The following MAGI2 variants were observed in gnomAD, a reference collection of about 807,000 sequenced individuals.
The protein encoded by MAGI2 is membrane associated guanylate kinase, WW and PDZ domain containing 2.
In MAGI2, 35 loss-of-function variants were observed where a neutral mutation model predicts 133.3. The ratio of observed to expected loss-of-function variants is 0.26; its 90% CI spans 0.20 to 0.35. MAGI2 has a LOEUF of 0.35. Among genes scored for constraint, MAGI2 ranks in the 10% least tolerant of loss-of-function variants. The pLI, the probability that MAGI2 is intolerant of heterozygous loss-of-function variation, is 1.00. For missense variants in MAGI2, 1,636 were observed against 1,863.4 expected (o/e 0.88, Z 2.25); for synonymous variants, 729 against 710.6 (o/e 1.03, Z -0.41).
chr7:79,364,495 A>G (rs144992096), intron 1 of MAGI2, among the ~76,000 whole-genome samples: 2 of 152,216 alleles, frequency 1.3e-5, no homozygotes, highest in African/African-American at 4.8e-5. Flanking sequence ...AAAATAAATA[A>G]TTTTAAAAAC....
chr7:78,172,645 G>A (rs1333222956), intron 14 of MAGI2, among the ~76,000 whole-genome samples: 2 of 152,208 alleles, frequency 1.3e-5, no homozygotes, highest in African/African-American at 4.8e-5. Flanking sequence ...TGAAAGCCGT[G>A]CTGTTGTGTT....
At position 78,491,254 on chromosome 7, in the gene MAGI2, G is replaced by C. The variant is rs149020970; in HGVS notation, c.966-1414C>G. ...CAAGCCAGGAAAGAGGGAGGATGGA[G>C]TCAAGATGAGTAGCAGAAAGCTATT... On this transcript the variant is annotated intron_variant, in intron 5 of 21. Coordinates refer to ENST00000354212, the MANE Select transcript of MAGI2 (RefSeq NM_012301.4). Among the ~76,000 whole-genome samples the C allele has an allele frequency of 9.9e-5, 15 of 152,212 alleles. No homozygotes were observed. The East Asian group carries it at 2.5e-3, about 26-fold the overall frequency.
rs7788573 is a variant in MAGI2 at position 79,042,731 on chromosome 7, C to T, written c.302-35525G>A. ...TTGGGATCTGAATTTGATACTTGGC[C>T]AAACAGACCTAACAGACATCCACAG... On this transcript the variant is annotated intron_variant, in intron 1 of 21. Transcript: ENST00000354212. 4.4e-3 allele frequency among the ~76,000 whole-genome samples: 676 copies of T among 152,128 alleles called. 5 individuals are homozygous for T. The highest frequency in any genetic ancestry group is 0.015 in the African/African-American group (642 of 41,492).
intron 2 of MAGI2, among the ~76,000 whole-genome samples, chr7:78,795,860 AAAGGTGCC>A (rs1787561515): frequency 6.6e-6 from 1 of 152,162 alleles, no homozygotes; most frequent in Admixed American, 6.6e-5. Flanking sequence ...CATCTTTGAC[AAAGGTGCC>A]AAGAACATAC....
chr7:79,287,684 G>A (rs1225464990), intron 1 of MAGI2, among the ~76,000 whole-genome samples: 1 of 152,096 alleles, frequency 6.6e-6, no homozygotes, highest in Non-Finnish European at 1.5e-5. Context: ...TAGCATTAAG[G>A]TGCCTAGCAC....
chr7:78,839,755 C>G (rs1328190843), intron 2 of MAGI2, among the ~76,000 whole-genome samples: 1 of 152,048 alleles, frequency 6.6e-6, no homozygotes, highest in Non-Finnish European at 1.5e-5. Flanking sequence ...GGTAGGGACA[C>G]AGAGCCAAAC....
intron 1 of MAGI2, among the ~76,000 whole-genome samples, chr7:79,385,115 G>C (rs543866334): frequency 1.3e-5 from 2 of 151,816 alleles, no homozygotes; most frequent in South Asian, 4.2e-4. Flanking sequence ...TAAAAGATCT[G>C]AGCATACTGA....
intron 9 of MAGI2, among the ~76,000 whole-genome samples, chr7:78,297,815 T>A (rs1211514388): frequency 1.7e-5 from 2 of 116,268 alleles, no homozygotes; most frequent in South Asian, 3.1e-4. Flanking sequence ...AATATCACAC[T>A]CTGGGGACTG....
At chr7:78,059,314 C>A (rs1414269487) in intron 21 of MAGI2, among the ~76,000 whole-genome samples, 1 of 152,142 alleles carries the variant, frequency 6.6e-6, no homozygotes, top group African/African-American at 2.4e-5. Flanking sequence ...AAAACCCTTT[C>A]CAGAAATGTT....
At chr7:78,519,673 C>A (rs1365060415) in intron 4 of MAGI2, among the ~76,000 whole-genome samples, 2 of 152,076 alleles carry the variant, frequency 1.3e-5, no homozygotes, top group Admixed American at 6.5e-5. Flanking sequence ...ATTCAGTAAG[C>A]CCCATAATTA....
At chr7:78,614,744 A>T (rs541837194) in intron 3 of MAGI2, 1 of 152,298 alleles carries the variant, frequency 6.6e-6, no homozygotes, top group African/African-American at 2.4e-5. Flanking sequence ...AATAGAAGGT[A>T]GTTAAAATAT....
chr7:78,530,852 T>G (rs181557371), intron 3 of MAGI2, among the ~76,000 whole-genome samples: 75 of 152,338 alleles, frequency 4.9e-4, no homozygotes, highest in Middle Eastern at 3.4e-3. Flanking sequence ...TAAAATAGGC[T>G]TCATAGGCTC....
At chr7:78,189,623 AG>A (rs1190823797) in intron 12 of MAGI2, among the ~76,000 whole-genome samples, 1 of 152,200 alleles carries the variant, frequency 6.6e-6, no homozygotes, top group African/African-American at 2.4e-5. Flanking sequence ...AAGAGAAAAA[AG>A]TTTGAACAAC....
intron 1 of MAGI2, among the ~76,000 whole-genome samples, chr7:79,048,027 A>C (rs1035057905): frequency 1.3e-5 from 2 of 152,186 alleles, no homozygotes; most frequent in Non-Finnish European, 2.9e-5. Context: ...TGAAGGTGAA[A>C]CACTGTCAAA....
In MAGI2 at chr7:78,021,809, T is replaced by C. The variant is rs145777660; in HGVS notation, c.3707-1833A>G. Reference sequence around the variant, plus strand: ...GATTTTGGACCAACAACTAAATCTCTCTGAGCCTCAATTTCTTCCTTTATA... The same window carrying C: ...GATTTTGGACCAACAACTAAATCTCCCTGAGCCTCAATTTCTTCCTTTATA... On this transcript the variant is annotated intron_variant, in intron 21 of 21. Coordinates refer to ENST00000354212, the MANE Select transcript of MAGI2 (RefSeq NM_012301.4). Among the ~76,000 whole-genome samples the C allele has an allele frequency of 2.3e-3, 356 of 152,322 alleles. 5 individuals are homozygous for C. The highest frequency in any genetic ancestry group is 2.6e-4 in the Non-Finnish European group (18 of 68,034).
intron 1 of MAGI2, among the ~76,000 whole-genome samples, chr7:79,076,019 A>T (rs1815429866): frequency 6.6e-6 from 1 of 152,198 alleles, no homozygotes; most frequent in African/African-American, 2.4e-5. Context: ...TTGGCTAAAG[A>T]TTTTATTTAG....
intron 2 of MAGI2, among the ~76,000 whole-genome samples, chr7:78,967,604 T>C (rs1803434117): frequency 6.7e-6 from 1 of 149,880 alleles, no homozygotes. Flanking sequence ...TTTCATGCAT[T>C]ATGAGTTGAT....
chr7:78,504,554 G>A (rs1794919883), intron 4 of MAGI2, among the ~76,000 whole-genome samples: 1 of 152,060 alleles, frequency 6.6e-6, no homozygotes. Context: ...GGTAGTGAGA[G>A]GCAATGTGAG....
At chr7:78,323,968 G>A (rs921479363) in intron 9 of MAGI2, among the ~76,000 whole-genome samples, 21 of 152,050 alleles carry the variant, frequency 1.4e-4, no homozygotes, top group African/African-American at 3.1e-4. Context: ...ATTTCTATAC[G>A]TTCTGTGTAT....
Sources: gnomAD v4.1 joint callset for allele counts (sites outside exome capture counted in the v4.1 genomes callset) on GRCh38, gnomAD v4.1.1 for gene constraint, MANE v1.5 for transcripts, NCBI Gene and HGNC (gene_info 2026-07-23, HGNC 2026-07-21) for gene names.